Variants in MSR1 observed in about 807,000 individuals in gnomAD.
MSR1 encodes macrophage scavenger receptor 1.
A neutral mutation model predicts 47.2 loss-of-function variants in MSR1; 53 were observed. The observed-to-expected ratio is 1.12, with a 90% CI of 0.90 to 1.41. The LOEUF is 1.41. Among genes scored for constraint, MSR1 ranks in the 40% most tolerant of loss-of-function variants. The pLI, the probability that MSR1 is intolerant of heterozygous loss-of-function variation, is 0.00. For missense variants in MSR1, 786 were observed against 546.9 expected, an observed-to-expected ratio of 1.44 and a Z score of -4.36; for synonymous variants, 239 against 185.6, an observed-to-expected ratio of 1.29 and a Z score of -2.34.
chr8:16,137,358 C>G (rs1170850060), intron 8 of MSR1, among the ~76,000 whole-genome samples: 1 of 152,136 alleles, frequency 6.6e-6, no homozygotes, highest in East Asian at 1.9e-4. Flanking sequence ...ATTTTTATCT[C>G]TTTAGCTCTT....
At chr8:16,114,094 G>T (rs1359659106) in intron 9 of MSR1, among the ~76,000 whole-genome samples, 1 of 152,004 alleles carries the variant, frequency 6.6e-6, no homozygotes, top group Non-Finnish European at 1.5e-5. Context: ...CAACATGCAA[G>T]GAGCAGTATG....
At chr8:16,112,053 G>A (rs1194899211) in intron 9 of MSR1, among the ~76,000 whole-genome samples, 2 of 152,126 alleles carry the variant, frequency 1.3e-5, no homozygotes, top group Non-Finnish European at 2.9e-5. Context: ...GGTAGATGAA[G>A]CAACTGAGAT....
At chr8:16,175,450 A>T (rs1585189097) in intron 2 of MSR1, 150 bp from the exon 3 acceptor site, 1 of 720,280 alleles carries the variant, frequency 1.4e-6, no homozygotes, top group East Asian at 2.7e-5. Flanking sequence ...AGTAGAAAGC[A>T]AAAGGACAGT....
chr8:16,190,028 C>T (rs1802150188), intron 1 of MSR1, among the ~76,000 whole-genome samples: 3 of 149,590 alleles, frequency 2.0e-5, no homozygotes, highest in Admixed American at 1.4e-4. Flanking sequence ...GATTCTCCTG[C>T]CTCAGCTTCC....
intron 1 of MSR1, among the ~76,000 whole-genome samples, chr8:16,190,169 A>G (rs1802158415): frequency 6.6e-6 from 1 of 152,048 alleles, no homozygotes. Flanking sequence ...AAGTGCTGGG[A>G]TTACAGATGT....
chr8:16,111,692 T>C (rs1315987873), intron 9 of MSR1, among the ~76,000 whole-genome samples: 1 of 123,212 alleles, frequency 8.1e-6, no homozygotes, highest in Non-Finnish European at 1.7e-5. Flanking sequence ...ATAATGAAAA[T>C]TTAAGTCCAG....
intron 3 of MSR1, among the ~76,000 whole-genome samples, chr8:16,170,038 G>C (rs1037365880): frequency 6.6e-6 from 1 of 151,864 alleles, no homozygotes; most frequent in Admixed American, 6.6e-5. Context: ...AAAATAAAAG[G>C]CTTAAACATT....
chr8:16,117,316 A>T lies in MSR1; in HGVS notation c.1222+3102T>A, dbSNP rs181649914. ...TCTTATGAGAATCTAATGTCTGATG[A>T]TCTGAGGTGGGGCTGCAGCCGTGAT... On this transcript the variant is annotated intron_variant, in intron 9 of 9. Coordinates refer to ENST00000262101, the MANE Select transcript of MSR1 (RefSeq NM_138715.3). Among the ~76,000 whole-genome samples, 1,458 of 152,254 alleles carry T rather than the reference A, an allele frequency of 9.6e-3. 31 individuals are homozygous for T. Among genetic ancestry groups the T allele is most frequent in the African/African-American group, 0.032 (1,329 of 41,558 alleles).
At chr8:16,123,994 T>C (rs1018986748) in intron 8 of MSR1, among the ~76,000 whole-genome samples, 6 of 152,178 alleles carry the variant, frequency 3.9e-5, no homozygotes, top group Non-Finnish European at 5.9e-5. Flanking sequence ...GCTCCTAAGT[T>C]TATATTTTAC....
chr8:16,125,060 A>C (rs111737786), intron 8 of MSR1, among the ~76,000 whole-genome samples: 6,747 of 152,242 alleles, frequency 0.044, 248 homozygotes, highest in East Asian at 0.12. Context: ...ATGGCTGGCT[A>C]CTGAGAGCCT....
chr8:16,128,506 C>A (rs939531910), intron 8 of MSR1, among the ~76,000 whole-genome samples: 1 of 152,094 alleles, frequency 6.6e-6, no homozygotes, highest in Non-Finnish European at 1.5e-5. Context: ...ATCCTGCCCC[C>A]AGCTTGATCA....
Position 16,120,536 on chromosome 8 carries a change from G to A in MSR1, c.1104C>T (p.Ser368=), listed in dbSNP as rs1799976247. 6.2e-7 allele frequency: 1 copy of A among 1,610,598 alleles called. No homozygotes were observed. Among genetic ancestry groups the A allele is most frequent in the Non-Finnish European group, 8.5e-7 (1 of 1,179,510 alleles). Reference sequence around the variant, plus strand: ...CGTCACAAATTGTACCCCACTGGCCGCTGTGGAGTATCTCCACCCTCCCCT... The same window carrying A: ...CGTCACAAATTGTACCCCACTGGCCACTGTGGAGTATCTCCACCCTCCCCT... The part of the protein sequence containing the change: ...PHEGRVEILH[S]GQWGTICDDR... The change falls in exon 9 of 10, where the codon AGC becomes AGT. Residue 368 remains serine (S), a synonymous_variant. Coordinates refer to ENST00000262101, the MANE Select transcript of MSR1 (RefSeq NM_138715.3).
In MSR1 at chr8:16,138,631, C is replaced by T. The variant is rs190442260; in HGVS notation, c.1033+4927G>A. The stretch of plus-strand genomic sequence containing the variant: ...CCAGCATCTCTGGGACCGAGGCCAT[C>T]GTGTGGCTGATGTAGACCAAGGTCT... On this transcript the variant is annotated intron_variant, in intron 8 of 9. Coordinates refer to ENST00000262101, the MANE Select transcript of MSR1 (RefSeq NM_138715.3). 3.3e-4 allele frequency among the ~76,000 whole-genome samples: 50 copies of T among 152,222 alleles called. 1 individual carries two copies. The highest frequency in any genetic ancestry group is 5.3e-4 in the Non-Finnish European group (36 of 67,998).
At chr8:16,138,323 C>A (rs1270997925) in intron 8 of MSR1, among the ~76,000 whole-genome samples, 2 of 152,142 alleles carry the variant, frequency 1.3e-5, no homozygotes, top group African/African-American at 2.4e-5. Context: ...ACTGAAACAT[C>A]ACTCTTCCGC....
chr8:16,141,119 G>A, intron 8 of MSR1: 1 of 1,536,302 alleles, frequency 6.5e-7, no homozygotes, highest in Non-Finnish European at 9.0e-7. Flanking sequence ...TTTTAAAGAT[G>A]CATATGAAAA....
At chr8:16,144,981 T>TC (rs939910521) in intron 7 of MSR1, among the ~76,000 whole-genome samples, 2 of 151,968 alleles carry the variant, frequency 1.3e-5, no homozygotes, top group African/African-American at 4.8e-5. Flanking sequence ...AGAGAAGATT[T>TC]TGGATCCTAA....
chr8:16,180,203 G>C (rs1585194897), intron 1 of MSR1, among the ~76,000 whole-genome samples: 2 of 151,062 alleles, frequency 1.3e-5, no homozygotes, highest in Admixed American at 6.6e-5. Flanking sequence ...ACTTTCCAGA[G>C]CTTTTCTCAT....
chr8:16,187,228 T>A (rs1264058400), intron 1 of MSR1, among the ~76,000 whole-genome samples: 1 of 151,146 alleles, frequency 6.6e-6, no homozygotes, highest in Non-Finnish European at 1.5e-5. Flanking sequence ...CTGAGTGTGG[T>A]GGCGGGTACC....
At chr8:16,124,533 T>C (rs1363732660) in intron 8 of MSR1, among the ~76,000 whole-genome samples, 1 of 152,174 alleles carries the variant, frequency 6.6e-6, no homozygotes, top group Non-Finnish European at 1.5e-5. Flanking sequence ...TATATATAAC[T>C]ACTCACATTT....
Sources: allele counts gnomAD v4.1 joint callset (sites outside exome capture counted in the v4.1 genomes callset), GRCh38; gene constraint gnomAD v4.1.1; transcripts MANE v1.5; gene names NCBI Gene and HGNC (gene_info 2026-07-23, HGNC 2026-07-21).